The following ALK variants were observed in gnomAD, a reference collection of about 807,000 sequenced individuals.
ALK encodes the protein ALK receptor tyrosine kinase, also known as ALK tyrosine kinase receptor.
Under a neutral mutation model 163.1 loss-of-function variants are expected in ALK, and 74 were observed. The ratio of observed to expected loss-of-function variants is 0.45; its 90% CI spans 0.38 to 0.55. ALK has a LOEUF of 0.55. ALK is among the 20% of genes least tolerant of loss of function. The pLI is 0.00. For missense variants in ALK, 2,063 were observed against 2,105.3 expected, an observed-to-expected ratio of 0.98 and a Z score of 0.39; for synonymous variants, 960 against 843.2, an observed-to-expected ratio of 1.14 and a Z score of -2.40.
chr2:29,208,510 T>G (rs1355331190), intron 25 of ALK, among the ~76,000 whole-genome samples: 1 of 152,094 alleles, frequency 6.6e-6, no homozygotes, highest in East Asian at 1.9e-4. Context: ...TTGTGGGTAG[T>G]GTTAGAAGGC....
intron 3 of ALK, among the ~76,000 whole-genome samples, chr2:29,595,472 C>G (rs1218716807): frequency 6.6e-6 from 1 of 152,114 alleles, no homozygotes; most frequent in African/African-American, 2.4e-5. Context: ...AGGCGCCCAC[C>G]ACCACGCCCG....
chr2:29,196,596 A>C (rs1669028817), intron 28 of ALK, among the ~76,000 whole-genome samples, 174 bp downstream of exon 28: 1 of 152,242 alleles, frequency 6.6e-6, no homozygotes, highest in Non-Finnish European at 1.5e-5. Flanking sequence ...TTTATTTTAC[A>C]AAATGGGCAA....
chr2:29,550,011 C>G (rs1367089081), intron 3 of ALK, among the ~76,000 whole-genome samples: 1 of 152,120 alleles, frequency 6.6e-6, no homozygotes, highest in Non-Finnish European at 1.5e-5. Context: ...CAATTCAGGT[C>G]CCTTTACAAA....
intron 3 of ALK, among the ~76,000 whole-genome samples, chr2:29,682,383 T>A (rs1179310110): frequency 6.6e-6 from 1 of 152,198 alleles, no homozygotes; most frequent in South Asian, 2.1e-4. Flanking sequence ...CTCTTTTTTT[T>A]ATATTCCCAG....
At chr2:29,592,956 C>G (rs1423703004) in intron 3 of ALK, among the ~76,000 whole-genome samples, 2 of 152,190 alleles carry the variant, frequency 1.3e-5, no homozygotes, top group African/African-American at 2.4e-5. Flanking sequence ...GCCTCCAGAG[C>G]TGCGAGATAA....
At chr2:29,270,991 C>A (rs1488769509) in intron 11 of ALK, among the ~76,000 whole-genome samples, 1 of 152,122 alleles carries the variant, frequency 6.6e-6, no homozygotes, top group African/African-American at 2.4e-5. Context: ...AAGGAAGAGG[C>A]CAGGATTTTT....
intron 1 of ALK, among the ~76,000 whole-genome samples, chr2:29,772,098 G>A (rs558183192): frequency 1.3e-5 from 2 of 152,292 alleles, no homozygotes; most frequent in East Asian, 3.9e-4. Flanking sequence ...CCACCCAGAT[G>A]GGAGCAGGGA....
At chr2:29,351,436 ACTC>A (rs1452681257) in intron 5 of ALK, among the ~76,000 whole-genome samples, 5 of 151,524 alleles carry the variant, frequency 3.3e-5, no homozygotes, top group African/African-American at 1.2e-4. Flanking sequence ...CTGCATGCTC[ACTC>A]CTCCTCCCTT....
At chr2:29,483,528 G>A (rs1386856284) in intron 4 of ALK, among the ~76,000 whole-genome samples, 1 of 152,178 alleles carries the variant, frequency 6.6e-6, no homozygotes, top group African/African-American at 2.4e-5. Context: ...AATGATTCAT[G>A]TGCACATCCA....
chr2:29,654,367 C>A (rs114415830), intron 3 of ALK, among the ~76,000 whole-genome samples: 2,290 of 151,310 alleles, frequency 0.015, 59 homozygotes, highest in African/African-American at 0.052. Flanking sequence ...CAGATGACCT[C>A]CTTTTGTTCT....
chr2:29,372,761 TTTC>T (rs1311120657), intron 5 of ALK, among the ~76,000 whole-genome samples: 3 of 152,196 alleles, frequency 2.0e-5, no homozygotes, highest in Admixed American at 2.0e-4. Context: ...ATCCCTTGCT[TTTC>T]TTTCTGTTGC....
At chr2:29,865,217 A>G (rs998557474) in intron 1 of ALK, among the ~76,000 whole-genome samples, 1 of 152,152 alleles carries the variant, frequency 6.6e-6, no homozygotes. Context: ...CAACTTCCCC[A>G]CTTTTCACAA....
At chr2:29,888,836 A>G (rs376120035) in intron 1 of ALK, among the ~76,000 whole-genome samples, 1 of 152,198 alleles carries the variant, frequency 6.6e-6, no homozygotes, top group Non-Finnish European at 1.5e-5. Context: ...CAATCAGAAA[A>G]ATGTTGTTAC....
At chr2:29,716,454 T>C (rs1004238118) in intron 2 of ALK, among the ~76,000 whole-genome samples, 4 of 152,196 alleles carry the variant, frequency 2.6e-5, no homozygotes, top group Non-Finnish European at 5.9e-5. Flanking sequence ...ATGCTTCTTC[T>C]CTCCTCTAAA....
At chr2:29,884,535 A>G (rs560110125) in intron 1 of ALK, among the ~76,000 whole-genome samples, 2 of 152,230 alleles carry the variant, frequency 1.3e-5, no homozygotes, top group East Asian at 3.9e-4. Context: ...TGGGGTAAAT[A>G]CGTTTTTATG....
intron 3 of ALK, among the ~76,000 whole-genome samples, chr2:29,534,832 GA>G (rs774844131): frequency 6.6e-6 from 1 of 152,074 alleles, no homozygotes; most frequent in Non-Finnish European, 1.5e-5. Flanking sequence ...CTCAATAATG[GA>G]ACCCTTTCAA....
intron 3 of ALK, among the ~76,000 whole-genome samples, chr2:29,668,266 T>A (rs1677578593): frequency 6.6e-6 from 1 of 152,030 alleles, no homozygotes; most frequent in South Asian, 2.1e-4. Context: ...TAGTCTCAGT[T>A]TCATTTATTT....
intron 1 of ALK, among the ~76,000 whole-genome samples, chr2:29,780,719 C>G (rs1681310207): frequency 6.6e-6 from 1 of 152,156 alleles, no homozygotes; most frequent in African/African-American, 2.4e-5. Flanking sequence ...GTAACAGATG[C>G]CACAGCAAAA....
chr2:29,359,326 G>A lies in ALK; in HGVS notation c.1282+24406C>T, dbSNP rs1210617616. Among the ~76,000 whole-genome samples the A allele has an allele frequency of 5.9e-5, 9 of 152,044 alleles. 1 individual carries two copies. The South Asian group carries it at 1.5e-3, about 25-fold the overall frequency. ...GGCCCAGGTCTCCTCCATACTTCTG[G>A]GTCCACACCTCCACCCACTTTAAGT... is the stretch of plus-strand genomic sequence containing the variant. On this transcript the variant is annotated intron_variant, in intron 5 of 28. Transcript: ENST00000389048.
Sources: gnomAD v4.1 joint callset for allele counts (sites outside exome capture counted in the v4.1 genomes callset) on GRCh38, gnomAD v4.1.1 for gene constraint, MANE v1.5 for transcripts, NCBI Gene and HGNC (gene_info 2026-07-23, HGNC 2026-07-21) for gene names.